The following NUDT5 variants were observed in gnomAD, a reference collection of about 807,000 sequenced individuals.
NUDT5 encodes ADP-sugar pyrophosphatase.
A neutral mutation model predicts 34.1 loss-of-function variants in NUDT5; 21 were observed. That is an observed-to-expected ratio of 0.62 (90% CI 0.44 to 0.89). The LOEUF is 0.89. Among genes scored for constraint, NUDT5 ranks in the 40% least tolerant of loss-of-function variants. The pLI is 0.00. For synonymous variants in NUDT5, 85 were observed against 97.6 expected (o/e 0.87, Z 0.76); for missense variants, 249 against 274.8 (o/e 0.91, Z 0.66).
In NUDT5 at chr10:12,165,372, G is replaced by A. The variant is rs569277065; in HGVS notation, c.*2330C>T. 5.1e-5 allele frequency: 50 copies of A among 972,808 alleles called. No individual in the cohort carries two copies. The African/African-American group carries it at 7.9e-4, about 15-fold the overall frequency. The allele number at this position is 972,808 out of a possible 1,614,324, so 60.3% of individuals were successfully genotyped here. A position where few individuals can be genotyped will look rare whatever the true frequency, so the allele number is the denominator to read the frequency against. Reference sequence around the variant, plus strand: ...ACTTTTATTTAAGAAAACTGATTCAGTTGTGTTGGAAAAAATAAAGAAATC... The same window carrying A: ...ACTTTTATTTAAGAAAACTGATTCAATTGTGTTGGAAAAAATAAAGAAATC... On this transcript the variant is annotated 3_prime_UTR_variant, in exon 10 of 10. Transcript: ENST00000491614.
chr10:12,181,081 T>C lies in NUDT5; in HGVS notation c.132-1949A>G, dbSNP rs896672658. 4.6e-5 allele frequency among the ~76,000 whole-genome samples: 7 copies of C among 152,218 alleles called. No individual in the cohort carries two copies. The highest frequency in any genetic ancestry group is 1.7e-4 in the African/African-American group (7 of 41,464). On this transcript the variant is annotated intron_variant, in intron 3 of 9. Coordinates refer to ENST00000491614, the MANE Select transcript of NUDT5 (RefSeq NM_014142.4). The surrounding 1 kb of genome is among the most constrained non-coding windows in gnomAD (Gnocchi z 5.0). ...TTCATATCCGTGGGTTCTGCATTCA[T>C]GGATTCAACCAACCACCCATTGAAA... is the stretch of plus-strand genomic sequence containing the variant.
chr10:12,179,265 A>T (rs1835007221), intron 3 of NUDT5, 133 bp from the exon 4 acceptor site: 1 of 657,498 alleles, frequency 1.5e-6, no homozygotes, highest in African/African-American at 1.8e-5. Flanking sequence ...AGAAGACCAC[A>T]GCAATAAACG....
chr10:12,185,003 G>T, intron 2 of NUDT5, 47 bp from the exon 3 acceptor site: 1 of 985,994 alleles, frequency 1.0e-6, no homozygotes, highest in Non-Finnish European at 1.6e-6. Flanking sequence ...AAACCAAGTT[G>T]TTTTTATCTA....
At position 12,169,335 on chromosome 10, in the gene NUDT5, C is replaced by A. The variant is rs1388315089; in HGVS notation, c.550+1382G>T. 6.5e-7 allele frequency: 1 copy of A among 1,543,150 alleles called. No individual in the cohort carries two copies. The highest frequency in any genetic ancestry group is 8.8e-7 in the Non-Finnish European group (1 of 1,139,208). On this transcript the variant is annotated intron_variant, in intron 9 of 9. Transcript: ENST00000491614. The surrounding 1 kb of genome is among the most constrained non-coding windows in gnomAD (Gnocchi z 4.8). ...AGGATACTCTTCTACTAAAAGATAA[C>A]CCCGCACGGCATTTCACACTTGCCT...
rs1390632639 is a variant in NUDT5 at position 12,168,401 on chromosome 10, T to C, written c.551-590A>G. On this transcript the variant is annotated intron_variant, in intron 9 of 9. Transcript: ENST00000491614. The surrounding 1 kb of genome is among the most constrained non-coding windows in gnomAD (Gnocchi z 4.8). ...CGCTATACCTCATTTATAGCTGGGG[T>C]AGGGCTTTGCTTTTCTGAAACCAGA... is the stretch of plus-strand genomic sequence containing the variant. Among the ~76,000 whole-genome samples the C allele has an allele frequency of 6.6e-6, 1 of 152,138 alleles. No individual in the cohort carries two copies. Among genetic ancestry groups the C allele is most frequent in the African/African-American group, 2.4e-5 (1 of 41,410 alleles).
At chr10:12,188,728 T>TTAA (rs1554803846) in intron 1 of NUDT5, among the ~76,000 whole-genome samples, 1 of 74,692 alleles carries the variant, frequency 1.3e-5, no homozygotes, top group Non-Finnish European at 2.3e-5. Flanking sequence ...AGACTCCATC[T>TTAA]AAAAAAAAAA....
At chr10:12,189,932 C>T (rs1328859876) in intron 1 of NUDT5, among the ~76,000 whole-genome samples, 7 of 147,552 alleles carry the variant, frequency 4.7e-5, no homozygotes, top group South Asian at 2.1e-4. Flanking sequence ...CTTGCCTTGT[C>T]GCCCAGGCTG....
intron 1 of NUDT5, among the ~76,000 whole-genome samples, chr10:12,188,277 C>T (rs1337297783): frequency 2.0e-5 from 3 of 152,198 alleles, no homozygotes; most frequent in East Asian, 1.9e-4. Context: ...TTCAATTTGT[C>T]CCCAAGACAG....
intron 3 of NUDT5, among the ~76,000 whole-genome samples, chr10:12,179,874 A>G (rs1352045413): frequency 6.6e-6 from 1 of 152,206 alleles, no homozygotes; most frequent in Admixed American, 6.5e-5. Context: ...TGACACAATT[A>G]TGCAGTTTAA....
At position 12,187,455 on chromosome 10, in the gene NUDT5, T is replaced by A. The variant is rs758934078; in HGVS notation, c.-41-1123A>T. Among the ~76,000 whole-genome samples the A allele has an allele frequency of 2.0e-5, 3 of 152,242 alleles. No homozygotes were observed. The highest frequency in any genetic ancestry group is 2.9e-5 in the Non-Finnish European group (2 of 68,052). ...CCCTTATCCCATTTATTGTATATTA[T>A]TATTTCCTCTTTCTTTATTCCTTCA... On this transcript the variant is annotated intron_variant, in intron 1 of 9. Coordinates refer to ENST00000491614, the MANE Select transcript of NUDT5 (RefSeq NM_014142.4). This position sits in a 1 kb window ranked among gnomAD's most constrained non-coding sequence, Gnocchi z 5.4.
rs1834928555 is a variant in NUDT5, at chr10:12,175,203, C to A, written c.290-1390G>T. On this transcript the variant is annotated intron_variant, in intron 5 of 9. Coordinates refer to ENST00000491614, the MANE Select transcript of NUDT5 (RefSeq NM_014142.4). The surrounding 1 kb of genome is among the most constrained non-coding windows in gnomAD (Gnocchi z 4.8). ...AGGTGTGGTGGTACGCACCTGTATT[C>A]CAGCTACGCGGGAGGCTGAGGCAGG... Among the ~76,000 whole-genome samples the A allele has an allele frequency of 6.6e-6, 1 of 152,096 alleles. No homozygotes were observed. Among genetic ancestry groups the A allele is most frequent in the South Asian group, 2.1e-4 (1 of 4,824 alleles).
At chr10:12,186,555 C>T (rs921289869) in intron 1 of NUDT5, among the ~76,000 whole-genome samples, 1 of 152,078 alleles carries the variant, frequency 6.6e-6, no homozygotes, top group Non-Finnish European at 1.5e-5. Context: ...TCAGCCACAA[C>T]AGCCAAGCTC....
chr10:12,174,191 T>C (rs1222511593), intron 5 of NUDT5, among the ~76,000 whole-genome samples: 2 of 150,832 alleles, frequency 1.3e-5, no homozygotes, highest in Non-Finnish European at 3.0e-5. Flanking sequence ...GTAACACACC[T>C]GCTGCTGCAC....
In NUDT5 at chr10:12,184,883, G is replaced by A; in HGVS notation, c.131+6C>T. On this transcript the variant is annotated splice_donor_region_variant and intron_variant, in intron 3 of 9. Coordinates refer to ENST00000491614, the MANE Select transcript of NUDT5 (RefSeq NM_014142.4). ...GAACATTTTGTAAGAAAAAAAAAAAGTTTACCTAGTTTTACCAGTAGGATC... is the reference window on the plus strand; with the variant it reads ...GAACATTTTGTAAGAAAAAAAAAAAATTTACCTAGTTTTACCAGTAGGATC... 6.7e-7 allele frequency: 1 copy of A among 1,488,446 alleles called. No homozygotes were observed. The highest frequency in any genetic ancestry group is 9.2e-7 in the Non-Finnish European group (1 of 1,090,632). The allele number at this position is 1,488,446 out of a possible 1,614,324, so 92.2% of individuals were successfully genotyped here.
chr10:12,184,525 T>C (rs1373527297), intron 3 of NUDT5: 1 of 1,544,950 alleles, frequency 6.5e-7, no homozygotes, highest in Non-Finnish European at 8.8e-7. Context: ...GTTTTCTCTT[T>C]ATTTCTTCTA....
Position 12,168,529 on chromosome 10 carries a change from A to T in NUDT5, c.551-718T>A, listed in dbSNP as rs1158934555. 6.6e-6 allele frequency among the ~76,000 whole-genome samples: 1 copy of T among 151,950 alleles called. No individual in the cohort carries two copies. The highest frequency in any genetic ancestry group is 1.5e-5 in the Non-Finnish European group (1 of 67,994). On this transcript the variant is annotated intron_variant, in intron 9 of 9. Transcript: ENST00000491614. The surrounding 1 kb of genome is among the most constrained non-coding windows in gnomAD (Gnocchi z 4.8). Reference sequence around the variant, plus strand: ...AACTGTGTGCATGTTAGGACTGGAGATCTACTACCAAGAATGCGGTCTCAG... The same window carrying T: ...AACTGTGTGCATGTTAGGACTGGAGTTCTACTACCAAGAATGCGGTCTCAG...
Position 12,171,681 on chromosome 10 carries a change from GATTT to G in NUDT5, c.488-777_488-774del, listed in dbSNP as rs1274881927. On this transcript the variant is annotated intron_variant, in intron 7 of 9. Coordinates refer to ENST00000491614, the MANE Select transcript of NUDT5 (RefSeq NM_014142.4). The surrounding 1 kb of genome is among the most constrained non-coding windows in gnomAD (Gnocchi z 4.2). The stretch of plus-strand genomic sequence containing the variant: ...TGTATATGTGCAGTTCAAAAATTAA[GATTT>G]ATTTTATTTATTTATTTATTTATTT... 1.2e-3 allele frequency among the ~76,000 whole-genome samples: 179 copies of G among 147,300 alleles called. 1 individual carries two copies. The highest frequency in any genetic ancestry group is 3.5e-3 in the African/African-American group (141 of 40,112).
At chr10:12,193,685 A>G (rs928239929) in intron 1 of NUDT5, among the ~76,000 whole-genome samples, 3 of 152,206 alleles carry the variant, frequency 2.0e-5, no homozygotes, top group Non-Finnish European at 4.4e-5. Flanking sequence ...CAAGTTACTT[A>G]AAACCAACTG....
rs752736811 is a variant in NUDT5 at position 12,167,049 on chromosome 10, G to A, written c.*653C>T. The stretch of plus-strand genomic sequence containing the variant: ...TCCTCAAGCACGTGCAGATGCTTGC[G>A]GGATGGACCTGAATTTTCATTAGTC... On this transcript the variant is annotated 3_prime_UTR_variant, in exon 10 of 10. Transcript: ENST00000491614. 1.6e-4 allele frequency: 29 copies of A among 177,834 alleles called. No individual in the cohort carries two copies. Among genetic ancestry groups the A allele is most frequent in the Non-Finnish European group, 2.4e-4 (20 of 82,886 alleles). 11.0% of individuals were successfully genotyped at this position (177,834 alleles called of 1,614,324 possible). A position where few individuals can be genotyped will look rare whatever the true frequency, so the allele number is the denominator to read the frequency against.
Sources: gnomAD v4.1 joint callset for allele counts (sites outside exome capture counted in the v4.1 genomes callset) on GRCh38, gnomAD v4.1.1 for gene constraint, Gnocchi (gnomAD v3.1) non-coding constraint, MANE v1.5 for transcripts, NCBI Gene and HGNC (gene_info 2026-07-23, HGNC 2026-07-21) for gene names.